Variants in MKI67 observed in about 807,000 individuals in gnomAD.
MKI67 encodes proliferation marker protein Ki-67.
Under a neutral mutation model 233.5 loss-of-function variants are expected in MKI67, and 152 were observed. That is an observed-to-expected ratio of 0.65 (90% CI 0.57 to 0.74). MKI67 has a LOEUF of 0.74. MKI67 is among the 30% of genes least tolerant of loss of function. The pLI, the probability that MKI67 is intolerant of heterozygous loss-of-function variation, is 0.00. For synonymous variants in MKI67, 1,465 were observed against 1,418.5 expected (o/e 1.03, Z -0.74); for missense variants, 3,940 against 3,885.2 (o/e 1.01, Z -0.37).
intron 5 of MKI67, 134 bp downstream of exon 5, chr10:128,119,119 T>C (rs1852871781): frequency 3.0e-6 from 2 of 671,716 alleles, no homozygotes; most frequent in African/African-American, 1.8e-5. Context: ...GTTTTTATAC[T>C]TTAGTTACAT....
rs369816326 is a variant in MKI67, at chr10:128,107,650, T to C, written c.4190A>G (p.Lys1397Arg). 20 of 1,613,978 alleles carry C rather than the reference T, an allele frequency of 1.2e-5. No individual in the cohort carries two copies. The African/African-American group carries it at 1.9e-4, about 15-fold the overall frequency. Residue 1397 changes from lysine (K) to arginine (R), a missense_variant, in exon 13 of 15, where the codon AAA (lysine) becomes AGA (arginine). By Grantham distance (26) the Lys-to-Arg change is conservative. Transcript: ENST00000368654. ...TRRQPKTPLE[K>R]RDVQKELSAL... ...TGAGAGCTCCTTCTGTACGTCCCTT[T>C]TCTCCAAAGGTGTCTTGGGCTGCCT...
Position 128,107,792 on chromosome 10 carries a change from T to C in MKI67, c.4048A>G (p.Lys1350Glu), listed in dbSNP as rs369219721. ...AQALEDLTGFKELFQTPGHTE... is the reference protein window; with the variant it reads ...AQALEDLTGFEELFQTPGHTE... The stretch of plus-strand genomic sequence containing the variant: ...TGACCAGGGGTCTGGAAGAGCTCTT[T>C]AAAGCCAGTCAGGTCTTCCAGAGCC... Residue 1350 changes from lysine to glutamate, a missense_variant, in exon 13 of 15, where the codon AAA becomes GAA. Lys to Glu is a moderately conservative substitution (Grantham distance 56). Transcript: ENST00000368654. 2.7e-5 allele frequency: 44 copies of C among 1,614,010 alleles called. No homozygotes were observed. In the African/African-American group the frequency reaches 5.2e-4, roughly 19 times the overall value.
chr10:128,123,619 A>G (rs527942651), intron 2 of MKI67, among the ~76,000 whole-genome samples: 3 of 152,230 alleles, frequency 2.0e-5, no homozygotes, highest in Non-Finnish European at 4.4e-5. Flanking sequence ...CTTCATATAC[A>G]ATAAAGAAAT....
intron 10 of MKI67, 37 bp downstream of exon 10, chr10:128,111,890 C>T (rs77248242): frequency 0.01 from 16,741 of 1,604,106 alleles, 90 homozygotes; most frequent in Non-Finnish European, 0.012. Context: ...TCGATGACAC[C>T]GGTATGTGTA....
rs745735271 is a variant in MKI67 at position 128,105,123 on chromosome 10, G to A, written c.6717C>T (p.Ser2239=). 1 of 1,613,426 alleles carries A rather than the reference G, an allele frequency of 6.2e-7. No individual in the cohort carries two copies. Among genetic ancestry groups the A allele is most frequent in the South Asian group, 1.1e-5 (1 of 91,056 alleles). The change falls in exon 13 of 15, where the codon TCC becomes TCT. Residue 2239 remains serine, a synonymous_variant. Transcript: ENST00000368654. Reference sequence around the variant, plus strand: ...CGTCTGCTTTCCTGAGACTTCTCTTGGACTGTGGCTTGAAGATTGTTGGGG... The same window carrying A: ...CGTCTGCTTTCCTGAGACTTCTCTTAGACTGTGGCTTGAAGATTGTTGGGG... The part of the protein sequence containing the change: ...VGTPTIFKPQ[S]KRSLRKADVE...
At position 128,104,085 on chromosome 10, in the gene MKI67, G is replaced by A; in HGVS notation, c.7755C>T (p.Pro2585=). 1 of 1,614,006 alleles carries A rather than the reference G, an allele frequency of 6.2e-7. No homozygotes were observed. Among genetic ancestry groups the A allele is most frequent in the Non-Finnish European group, 8.5e-7 (1 of 1,180,030 alleles). ...TTAGTTCTGGTGGGGGAGATTTGCA[G>A]GGAATTTTTGTGTTTTTGTCAATAG... is the stretch of plus-strand genomic sequence containing the variant. ...SMTIDKNTKI[P]CKSPPPELTD... Residue 2585 remains proline (P), a synonymous_variant, in exon 13 of 15, where the codon CCC becomes CCT. Coordinates refer to ENST00000368654, the MANE Select transcript of MKI67 (RefSeq NM_002417.5).
chr10:128,099,576 A>G (rs926133866), intron 14 of MKI67, among the ~76,000 whole-genome samples: 2 of 152,228 alleles, frequency 1.3e-5, no homozygotes, highest in Admixed American at 6.5e-5. Flanking sequence ...AAAAAATGTC[A>G]CTCAGAAAAA....
In MKI67 at chr10:128,105,482, G is replaced by A. The variant is rs752641170; in HGVS notation, c.6358C>T (p.Arg2120Trp). 2.2e-5 allele frequency: 36 copies of A among 1,614,032 alleles called. No individual in the cohort carries two copies. The highest frequency in any genetic ancestry group is 6.6e-5 in the South Asian group (6 of 91,076). Residue 2120 changes from arginine (R) to tryptophan (W), a missense_variant, in exon 13 of 15, where the codon CGG becomes TGG. Physicochemically the swap from Arg to Trp is moderately radical, Grantham distance 101. Transcript: ENST00000368654. ...SMDTPTSTRR[R>W]PKTPLGKRDI... Reference sequence around the variant, plus strand: ...CTTTTCCCCAAAGGTGTTTTGGGCCGCCTCCTTGTGCTTGTTGGAGTGTCC... The same window carrying A: ...CTTTTCCCCAAAGGTGTTTTGGGCCACCTCCTTGTGCTTGTTGGAGTGTCC...
chr10:128,119,209 T>TATC (rs747520498), intron 5 of MKI67, 44 bp downstream of exon 5: 36 of 1,342,874 alleles, frequency 2.7e-5, no homozygotes, highest in Non-Finnish European at 3.7e-5. Flanking sequence ...AATGATTTCA[T>TATC]ATCATCGAAA....
In MKI67 at chr10:128,104,485, T is replaced by C; in HGVS notation, c.7355A>G (p.Glu2452Gly). 1 of 1,614,150 alleles carries C rather than the reference T, an allele frequency of 6.2e-7. No individual in the cohort carries two copies. The highest frequency in any genetic ancestry group is 8.5e-7 in the Non-Finnish European group (1 of 1,180,028). ...ELFQTPGHTE[E>G]SMTDDKITEV... ...TGTGATTTTGTCATCAGTCATTGAT[T>C]CCTCAGTGTGACCTGGTGTCTGGAA... The change falls in exon 13 of 15, where the codon GAA (glutamate) becomes GGA (glycine). Residue 2452 changes from glutamate to glycine, a missense_variant. By Grantham distance (98) the Glu-to-Gly change is moderately conservative. Coordinates refer to ENST00000368654, the MANE Select transcript of MKI67 (RefSeq NM_002417.5).
At chr10:128,102,185 T>A (rs1590292715) in intron 13 of MKI67, among the ~76,000 whole-genome samples, 1 of 152,206 alleles carries the variant, frequency 6.6e-6, no homozygotes, top group Non-Finnish European at 1.5e-5. Context: ...ACATTCCTTA[T>A]TGATATTGTT....
At chr10:128,110,025 G>C (rs1852635663) in intron 12 of MKI67, among the ~76,000 whole-genome samples, 1 of 152,148 alleles carries the variant, frequency 6.6e-6, no homozygotes, top group Non-Finnish European at 1.5e-5. Flanking sequence ...TTATCTTTCT[G>C]TTTTGTAATT....
rs748079176 is a variant in MKI67, at chr10:128,112,130, A to G, written c.1969+3T>C. On this transcript the variant is annotated splice_donor_region_variant and intron_variant, in intron 9 of 14. Coordinates refer to ENST00000368654, the MANE Select transcript of MKI67 (RefSeq NM_002417.5). ...AATATATGTATTCTAATGTCAGACTAACCAATCAGATTTGCTTCCGAAGCA... is the reference window on the plus strand; with the variant it reads ...AATATATGTATTCTAATGTCAGACTGACCAATCAGATTTGCTTCCGAAGCA... The G allele has an allele frequency of 8.1e-6, 13 of 1,613,274 alleles. No homozygotes were observed. The East Asian group carries it at 2.0e-4, about 25-fold the overall frequency.
rs749774969 is a variant in MKI67, at chr10:128,108,687, G to A, written c.3153C>T (p.Thr1051=). 3.5e-5 allele frequency: 57 copies of A among 1,614,038 alleles called. No homozygotes were observed. The highest frequency in any genetic ancestry group is 3.0e-4 in the Admixed American group (18 of 59,996). Residue 1051 remains threonine (T), a synonymous_variant, in exon 13 of 15, where the codon ACC becomes ACT. Transcript: ENST00000368654. ...VGKFTRTSGE[T]THTHREPAGD... is the part of the protein sequence containing the mutation. ...CTGCTGGCTCTCTGTGCGTGTGCGTGGTCTCCCCTGACGTCCGTGTGAACT... is the reference window on the plus strand; with the variant it reads ...CTGCTGGCTCTCTGTGCGTGTGCGTAGTCTCCCCTGACGTCCGTGTGAACT...
At chr10:128,099,987 G>T (rs756988976) in intron 14 of MKI67, among the ~76,000 whole-genome samples, 6 of 152,198 alleles carry the variant, frequency 3.9e-5, no homozygotes, top group African/African-American at 4.8e-5. Flanking sequence ...CCCTTCTTTG[G>T]TTTCATTCTG....
chr10:128,113,683 G>A, intron 7 of MKI67, 81 bp from the exon 8 acceptor site: 1 of 1,319,332 alleles, frequency 7.6e-7, no homozygotes, highest in South Asian at 1.3e-5. Context: ...TAGCATTAAA[G>A]ACAAACCAAG....
At position 128,108,527 on chromosome 10, in the gene MKI67, A is replaced by G; in HGVS notation, c.3313T>C (p.Phe1105Leu). 2 of 1,614,136 alleles carry G rather than the reference A, an allele frequency of 1.2e-6. No individual in the cohort carries two copies. The highest frequency in any genetic ancestry group is 8.5e-7 in the Non-Finnish European group (1 of 1,180,020). ...CCTGGTGTCTGGAAGAGCTCTTTGA[A>G]GCCAGCCAGGTCTTCTAGTGACTGG... ...EAQSLEDLAG[F>L]KELFQTPGPS... The change falls in exon 13 of 15, where the codon TTC becomes CTC. Residue 1105 changes from phenylalanine (F) to leucine (L), a missense_variant. By Grantham distance (22) the Phe-to-Leu change is conservative. Coordinates refer to ENST00000368654, the MANE Select transcript of MKI67 (RefSeq NM_002417.5).
chr10:128,116,681 C>T lies in MKI67; in HGVS notation c.355-145G>A, dbSNP rs991122839. ...CAGCACTTTGGGAGGCCAAGGTGGG[C>T]GGATCACTTGAGGTCAGGAGTTTGA... On this transcript the variant is annotated intron_variant, in intron 5 of 14. Coordinates refer to ENST00000368654, the MANE Select transcript of MKI67 (RefSeq NM_002417.5). The T allele has an allele frequency of 1.7e-4, 118 of 687,980 alleles. 1 individual carries two copies. The highest frequency in any genetic ancestry group is 2.5e-4 in the Non-Finnish European group (100 of 392,376). The allele number at this position is 687,980 out of a possible 1,614,324, so 42.6% of individuals were successfully genotyped here. A position where few individuals can be genotyped will look rare whatever the true frequency, so the allele number is the denominator to read the frequency against.
rs573022632 is a variant in MKI67, at chr10:128,102,707, C to G, written c.9133G>C (p.Val3045Leu). 1.9e-6 allele frequency: 3 copies of G among 1,614,232 alleles called. No homozygotes were observed. The highest frequency in any genetic ancestry group is 2.5e-6 in the Non-Finnish European group (3 of 1,180,040). ...PRARGKSSEP[V>L]VIMKRSLRTS... ...CTCAAACTTCTCTTCATGATGACCACGGGTTCGGATGATTTGCCTCTTGCC... is the reference window on the plus strand; with the variant it reads ...CTCAAACTTCTCTTCATGATGACCAGGGGTTCGGATGATTTGCCTCTTGCC... The change falls in exon 13 of 15, where the codon GTG becomes CTG. Residue 3045 changes from valine (V) to leucine (L), a missense_variant. Coordinates refer to ENST00000368654, the MANE Select transcript of MKI67 (RefSeq NM_002417.5).
Sources: gnomAD v4.1 joint callset for allele counts (sites outside exome capture counted in the v4.1 genomes callset) on GRCh38, gnomAD v4.1.1 for gene constraint, MANE v1.5 for transcripts, NCBI Gene and HGNC (gene_info 2026-07-23, HGNC 2026-07-21) for gene names.